Variants in TCF12 observed in about 807,000 individuals in gnomAD.
The protein encoded by TCF12 is transcription factor 12.
In TCF12, 45 loss-of-function variants were observed where a neutral mutation model predicts 86.0. That is an observed-to-expected ratio of 0.52 (90% CI 0.41 to 0.67). The LOEUF (loss-of-function observed/expected upper bound fraction) is 0.67. TCF12 is among the 30% of genes least tolerant of loss of function. The pLI is 0.00. For missense variants in TCF12, 881 were observed against 859.9 expected (o/e 1.02, Z -0.31); for synonymous variants, 330 against 299.6 (o/e 1.10, Z -1.05).
chr15:57,250,920 A>T (rs1326698390), intron 13 of TCF12, among the ~76,000 whole-genome samples: 1 of 151,722 alleles, frequency 6.6e-6, no homozygotes, highest in Non-Finnish European at 1.5e-5. Flanking sequence ...AAGAAGAAAC[A>T]AAACCAAAAA....
intron 8 of TCF12, among the ~76,000 whole-genome samples, chr15:57,223,653 T>TGTTTGTTTGTTTTTTG (rs1555400235): frequency 5.2e-5 from 7 of 135,294 alleles, no homozygotes; most frequent in African/African-American, 1.9e-4. Context: ...GTTTTTTTTT[T>TGTTTGTTTGTTTTTTG]TTTTTTTTTT....
intron 4 of TCF12, among the ~76,000 whole-genome samples, chr15:57,075,804 T>TTCTCTCTCTCTC (rs1244304206): frequency 0.031 from 878 of 28,542 alleles, 72 homozygotes; most frequent in Non-Finnish European, 0.043. Flanking sequence ...CTTTCTTTCT[T>TTCTCTCTCTCTC]TCTCTCTCTC....
rs77986242 is a variant in TCF12, at chr15:57,019,722, G to A, written c.149-44028G>A. 3.8e-3 allele frequency among the ~76,000 whole-genome samples: 568 copies of A among 151,430 alleles called. 3 individuals carry two copies. The highest frequency in any genetic ancestry group is 0.013 in the African/African-American group (538 of 41,428). ...AAAACATCTCAAAAGACCAGCCTTA[G>A]GTTCTCAATAGTGATGTTATCTATA... On this transcript the variant is annotated intron_variant, in intron 3 of 20. Coordinates refer to ENST00000333725, the MANE Select transcript of TCF12 (RefSeq NM_207037.2).
At chr15:56,923,537 C>G (rs1337991375) in intron 3 of TCF12, among the ~76,000 whole-genome samples, 2 of 152,062 alleles carry the variant, frequency 1.3e-5, no homozygotes, top group African/African-American at 4.8e-5. Context: ...TTGAGAGAAA[C>G]TTTTCTTTCT....
chr15:57,044,413 C>T (rs2067094863), intron 3 of TCF12, among the ~76,000 whole-genome samples: 1 of 152,012 alleles, frequency 6.6e-6, no homozygotes, highest in Non-Finnish European at 1.5e-5. Context: ...AAAAATTTAC[C>T]TGTGGATTCT....
chr15:57,082,294 A>G (rs2048363366), intron 4 of TCF12, among the ~76,000 whole-genome samples: 1 of 152,234 alleles, frequency 6.6e-6, no homozygotes, highest in African/African-American at 2.4e-5. Context: ...TCTTGTTGCC[A>G]TGACTCTTAA....
chr15:57,072,779 C>T (rs2069517608), intron 4 of TCF12: 1 of 1,103,082 alleles, frequency 9.1e-7, no homozygotes, highest in Non-Finnish European at 1.2e-6. Flanking sequence ...GTAACTGCTC[C>T]TTCTGAATGT....
In TCF12 at chr15:57,192,329, T is replaced by A. The variant is rs762104788; in HGVS notation, c.526+36T>A. On this transcript the variant is annotated intron_variant, in intron 7 of 20. Transcript: ENST00000333725. ...CACACAACAAATCCCATCCCACATA[T>A]GTTGTTGTTGTTTTTTCCTCCCATA... 6.3e-6 allele frequency: 10 copies of A among 1,599,190 alleles called. No homozygotes were observed. The African/African-American group carries it at 6.7e-5, about 11-fold the overall frequency.
chr15:57,198,323 G>A (rs1350381987), intron 8 of TCF12, among the ~76,000 whole-genome samples: 1 of 152,166 alleles, frequency 6.6e-6, no homozygotes, highest in Non-Finnish European at 1.5e-5. Flanking sequence ...GATGTTCATT[G>A]TGAAGCCCTT....
chr15:57,184,125 G>T (rs1334838770), intron 6 of TCF12, among the ~76,000 whole-genome samples: 3 of 151,490 alleles, frequency 2.0e-5, no homozygotes, highest in African/African-American at 7.3e-5. Flanking sequence ...TTGTCCCTCT[G>T]ACGTATTAGA....
intron 3 of TCF12, among the ~76,000 whole-genome samples, chr15:57,040,881 A>G (rs2066854503): frequency 6.6e-6 from 1 of 152,282 alleles, no homozygotes; most frequent in East Asian, 1.9e-4. Context: ...ATGTTATTAT[A>G]GTCAAAATTT....
intron 3 of TCF12, among the ~76,000 whole-genome samples, chr15:57,026,278 C>T (rs1302435848): frequency 6.6e-6 from 1 of 152,180 alleles, no homozygotes; most frequent in Non-Finnish European, 1.5e-5. Context: ...CAATAGTGTG[C>T]CAAACTCTTC....
rs142908044 is a variant in TCF12 at position 57,088,926 on chromosome 15, T to G, written c.223-2863T>G. Among the ~76,000 whole-genome samples the G allele has an allele frequency of 4.5e-3, 691 of 152,294 alleles. 7 individuals carry two copies. Among genetic ancestry groups the G allele is most frequent in the Admixed American group, 0.024 (372 of 15,290 alleles). On this transcript the variant is annotated intron_variant, in intron 4 of 20. Coordinates refer to ENST00000333725, the MANE Select transcript of TCF12 (RefSeq NM_207037.2). Reference sequence around the variant, plus strand: ...ATGACTTGTGATAATCGTATTTAAATATTTGTGAATTATTTCATAACTATT... The same window carrying G: ...ATGACTTGTGATAATCGTATTTAAAGATTTGTGAATTATTTCATAACTATT...
intron 6 of TCF12, among the ~76,000 whole-genome samples, chr15:57,173,042 T>C (rs143560901): frequency 5.3e-5 from 8 of 152,196 alleles, no homozygotes; most frequent in African/African-American, 9.6e-5. Context: ...TGCGCTGTTA[T>C]TGCACTGCTG....
intron 3 of TCF12, among the ~76,000 whole-genome samples, chr15:57,060,479 T>A (rs986241809): frequency 5.3e-5 from 8 of 152,242 alleles, no homozygotes; most frequent in Admixed American, 3.9e-4. Flanking sequence ...TTTAATCCTG[T>A]TGAATAGAAA....
intron 3 of TCF12, among the ~76,000 whole-genome samples, chr15:57,059,660 A>G (rs574104841): frequency 3.3e-5 from 4 of 120,778 alleles, no homozygotes; most frequent in Non-Finnish European, 6.4e-5. Context: ...AGTCTCACCA[A>G]TTCTTTAATG....
chr15:57,112,300 G>A (rs1349715564), intron 5 of TCF12, among the ~76,000 whole-genome samples: 1 of 152,226 alleles, frequency 6.6e-6, no homozygotes, highest in African/African-American at 2.4e-5. Flanking sequence ...ATCTAAGACT[G>A]TAGTGCAAAG....
intron 3 of TCF12, among the ~76,000 whole-genome samples, chr15:57,017,027 A>G (rs1022701019): frequency 6.6e-6 from 1 of 152,122 alleles, no homozygotes; most frequent in Non-Finnish European, 1.5e-5. Flanking sequence ...ATATGCTGAT[A>G]TATTCTTGCT....
Position 57,067,269 on chromosome 15 carries a change from G to A in TCF12, c.222+3446G>A, listed in dbSNP as rs1349485207. On this transcript the variant is annotated intron_variant, in intron 4 of 20. Transcript: ENST00000333725. ...CTAAGAGTGGTTATAGGCCGGGCGC[G>A]GTGGCTCACGCCTGTAATCCCAGCA... 1.1e-4 allele frequency among the ~76,000 whole-genome samples: 17 copies of A among 152,212 alleles called. No individual in the cohort carries two copies. In the East Asian group the frequency reaches 3.1e-3, roughly 28 times the overall value.
Sources: allele counts gnomAD v4.1 joint callset (sites outside exome capture counted in the v4.1 genomes callset), GRCh38; gene constraint gnomAD v4.1.1; transcripts MANE v1.5; gene names NCBI Gene and HGNC (gene_info 2026-07-23, HGNC 2026-07-21).